TMPRSS11F: variants seen among roughly 807,000 people sequenced by gnomAD.
TMPRSS11F encodes transmembrane protease serine 11F.
Under a neutral mutation model 60.2 loss-of-function variants are expected in TMPRSS11F, and 47 were observed. The observed-to-expected ratio is 0.78, with a 90% confidence interval of 0.62 to 1.00. The LOEUF (loss-of-function observed/expected upper bound fraction) is 1.00, where lower values mean the gene tolerates loss of function less well. Ranked by LOEUF, TMPRSS11F falls within the 50% of genes least tolerant of loss-of-function variation. The pLI is 0.00. For missense variants in TMPRSS11F, 519 were observed against 522.9 expected, an observed-to-expected ratio of 0.99 and a Z score of 0.07; for synonymous variants, 166 against 167.3, an observed-to-expected ratio of 0.99 and a Z score of 0.06.
intron 1 of TMPRSS11F, among the ~76,000 whole-genome samples, chr4:68,115,999 G>T (rs1232072722): frequency 6.6e-6 from 1 of 151,800 alleles, no homozygotes; most frequent in African/African-American, 2.4e-5. Flanking sequence ...GAGTCCTTCA[G>T]CTTTTTATTG....
chr4:68,117,643 G>A lies in TMPRSS11F; in HGVS notation c.11+12167C>T, dbSNP rs571345157. 4.6e-5 allele frequency among the ~76,000 whole-genome samples: 7 copies of A among 152,086 alleles called. No homozygotes were observed. In the South Asian group the frequency reaches 1.0e-3, roughly 23 times the overall value. On this transcript the variant is annotated intron_variant, in intron 1 of 9. Coordinates refer to ENST00000356291, the MANE Select transcript of TMPRSS11F (RefSeq NM_207407.2). ...TCACCTCACATCTGTTAGGATGGTT[G>A]TTAGGTTGAATAGAAAGTTGGGTGT...
intron 3 of TMPRSS11F, among the ~76,000 whole-genome samples, chr4:68,088,613 C>A (rs1369381700): frequency 1.3e-5 from 2 of 152,216 alleles, no homozygotes; most frequent in East Asian, 3.9e-4. Context: ...CCACACCACA[C>A]CTATTCCAAA....
chr4:68,128,337 C>CT, intron 1 of TMPRSS11F, among the ~76,000 whole-genome samples: 1 of 152,162 alleles, frequency 6.6e-6, no homozygotes, highest in Non-Finnish European at 1.5e-5. Flanking sequence ...GATGGATATG[C>CT]TAATTACTCT....
At chr4:68,109,254 ACTCCAGTACCAGTACTGGAGTACC>A (rs2109879488) in intron 1 of TMPRSS11F, among the ~76,000 whole-genome samples, 1 of 151,954 alleles carries the variant, frequency 6.6e-6, no homozygotes, top group African/African-American at 2.4e-5. Flanking sequence ...AAGGTCCAGT[ACTCCAGTACCAGTACTGGAGTACC>A]CGGCCGGTAC....
At chr4:68,098,237 G>A (rs1724110788) in intron 2 of TMPRSS11F, among the ~76,000 whole-genome samples, 1 of 152,194 alleles carries the variant, frequency 6.6e-6, no homozygotes, top group African/African-American at 2.4e-5. Flanking sequence ...CCTGGGAAGT[G>A]GAGGTTGCAA....
At chr4:68,084,324 A>G (rs560540120) in intron 3 of TMPRSS11F, among the ~76,000 whole-genome samples, 21 of 152,242 alleles carry the variant, frequency 1.4e-4, no homozygotes, top group African/African-American at 2.2e-4. Flanking sequence ...AAGAACTCCT[A>G]CAAGAGGCAA....
chr4:68,077,048 C>A (rs752043659), intron 3 of TMPRSS11F, among the ~76,000 whole-genome samples: 10 of 152,162 alleles, frequency 6.6e-5, no homozygotes, highest in Non-Finnish European at 1.2e-4. Flanking sequence ...AGCCAGGGGG[C>A]AACCATGTAG....
rs72855021 is a variant in TMPRSS11F at position 68,108,616 on chromosome 4, G to A, written c.12-9578C>T. ...AGCCTTTACATGCCATGTACCCAAT[G>A]AGCACACCTTCATTTTTCTAATGTC... On this transcript the variant is annotated intron_variant, in intron 1 of 9. Coordinates refer to ENST00000356291, the MANE Select transcript of TMPRSS11F (RefSeq NM_207407.2). 8.8e-3 allele frequency among the ~76,000 whole-genome samples: 1,333 copies of A among 152,252 alleles called. 20 individuals carry two copies. The highest frequency in any genetic ancestry group is 0.03 in the African/African-American group (1,259 of 41,546).
chr4:68,053,763 C>T lies in TMPRSS11F; in HGVS notation c.*146G>A. On this transcript the variant is annotated 3_prime_UTR_variant, in exon 10 of 10. Coordinates refer to ENST00000356291, the MANE Select transcript of TMPRSS11F (RefSeq NM_207407.2). Reference sequence around the variant, plus strand: ...TTTGGTCCTACGTATGTAAAGGCCACCTCAGGATATTAGATTTGTCTGGGT... The same window carrying T: ...TTTGGTCCTACGTATGTAAAGGCCATCTCAGGATATTAGATTTGTCTGGGT... 1.4e-6 allele frequency: 1 copy of T among 738,904 alleles called. No homozygotes were observed. 45.8% of individuals were successfully genotyped at this position (738,904 alleles called of 1,614,324 possible). A position where few individuals can be genotyped will look rare whatever the true frequency, so the allele number is the denominator to read the frequency against.
At chr4:68,114,699 T>TA (rs1724480207) in intron 1 of TMPRSS11F, among the ~76,000 whole-genome samples, 1 of 151,280 alleles carries the variant, frequency 6.6e-6, no homozygotes, top group Non-Finnish European at 1.5e-5. Flanking sequence ...TCGGACAAGT[T>TA]AGAGTTTCCC....
chr4:68,102,983 TG>T (rs942665162), intron 1 of TMPRSS11F, among the ~76,000 whole-genome samples: 32 of 48,750 alleles, frequency 6.6e-4, no homozygotes, highest in Admixed American at 1.7e-3. Context: ...AATTTTGAGT[TG>T]TTTTTTTTTT....
chr4:68,126,168 T>C (rs1445517207), intron 1 of TMPRSS11F, among the ~76,000 whole-genome samples: 2 of 152,156 alleles, frequency 1.3e-5, no homozygotes, highest in Non-Finnish European at 2.9e-5. Flanking sequence ...TATTCATATA[T>C]GTGTGTATGT....
chr4:68,074,358 T>A (rs1311353568), intron 3 of TMPRSS11F, among the ~76,000 whole-genome samples: 1 of 152,240 alleles, frequency 6.6e-6, no homozygotes, highest in Non-Finnish European at 1.5e-5. Context: ...ACACCTTGTC[T>A]GGTATCTACT....
At chr4:68,119,333 T>C (rs1198783417) in intron 1 of TMPRSS11F, among the ~76,000 whole-genome samples, 2 of 152,180 alleles carry the variant, frequency 1.3e-5, no homozygotes, top group Non-Finnish European at 2.9e-5. Flanking sequence ...CAAGTGTTGA[T>C]GTAGAAGCTT....
At chr4:68,095,758 T>C (rs1205722163) in intron 2 of TMPRSS11F, among the ~76,000 whole-genome samples, 1 of 151,924 alleles carries the variant, frequency 6.6e-6, no homozygotes, top group East Asian at 1.9e-4. Flanking sequence ...TATCTGGGCA[T>C]GGTGGCGGGT....
At chr4:68,080,581 C>T (rs1723677934) in intron 3 of TMPRSS11F, 1 of 152,226 alleles carries the variant, frequency 6.6e-6, no homozygotes, top group Non-Finnish European at 1.5e-5. Flanking sequence ...ACAAACAACC[C>T]AACCCTCTAA....
intron 9 of TMPRSS11F, among the ~76,000 whole-genome samples, chr4:68,055,286 G>C (rs1289243776): frequency 1.3e-5 from 2 of 152,136 alleles, no homozygotes; most frequent in Non-Finnish European, 2.9e-5. Context: ...TTCAGAGAGA[G>C]ATCTGACATG....
Position 68,053,340 on chromosome 4 carries a change from C to T in TMPRSS11F, c.*569G>A, listed in dbSNP as rs541596780. On this transcript the variant is annotated 3_prime_UTR_variant, in exon 10 of 10. Coordinates refer to ENST00000356291, the MANE Select transcript of TMPRSS11F (RefSeq NM_207407.2). ...ACTGTGTTAACAGCAAGTTCAGATA[C>T]ATTTAAAAACTTTTAAAATGTCAAC... The T allele has an allele frequency of 6.5e-6, 1 of 152,708 alleles. No individual in the cohort carries two copies. Among genetic ancestry groups the T allele is most frequent in the African/African-American group, 2.4e-5 (1 of 41,562 alleles). 9.5% of individuals were successfully genotyped at this position (152,708 alleles called of 1,614,324 possible).
intron 1 of TMPRSS11F, among the ~76,000 whole-genome samples, chr4:68,119,926 A>G (rs1336019883): frequency 6.6e-6 from 1 of 152,212 alleles, no homozygotes; most frequent in African/African-American, 2.4e-5. Flanking sequence ...GATACCACTA[A>G]GAACATCTGT....
Sources: allele counts gnomAD v4.1 joint callset (sites outside exome capture counted in the v4.1 genomes callset), GRCh38; gene constraint gnomAD v4.1.1; transcripts MANE v1.5; gene names NCBI Gene and HGNC (gene_info 2026-07-23, HGNC 2026-07-21).